Variants in RNLS observed in about 807,000 individuals in gnomAD.
RNLS encodes the protein renalase, FAD dependent amine oxidase.
RNLS carries 39 observed loss-of-function variants against 39.8 expected under a neutral mutation model. The observed-to-expected ratio is 0.98, with a 90% CI of 0.76 to 1.28. The LOEUF is 1.28. RNLS is among the 50% of genes most tolerant of loss of function. The pLI is 0.00. For synonymous variants in RNLS, 147 were observed against 150.7 expected, an observed-to-expected ratio of 0.98 and a Z score of 0.18; for missense variants, 410 against 413.3, an observed-to-expected ratio of 0.99 and a Z score of 0.07.
intron 4 of RNLS, among the ~76,000 whole-genome samples, chr10:88,424,758 C>T (rs749760042): frequency 4.6e-5 from 7 of 151,974 alleles, no homozygotes; most frequent in East Asian, 1.9e-4. Flanking sequence ...AAATTTTTAA[C>T]GCGTGAATGC....
At chr10:88,550,222 T>G (rs528341095) in intron 4 of RNLS, among the ~76,000 whole-genome samples, 6 of 152,296 alleles carry the variant, frequency 3.9e-5, no homozygotes, top group African/African-American at 1.2e-4. Flanking sequence ...ACATTAAAGA[T>G]ATTATAGTTT....
At chr10:88,479,785 CTTTT>C (rs1844045958) in intron 4 of RNLS, among the ~76,000 whole-genome samples, 1 of 124,438 alleles carries the variant, frequency 8.0e-6, no homozygotes, top group African/African-American at 2.7e-5. Flanking sequence ...ACTTTCTTTT[CTTTT>C]TTTCTTTTTT....
chr10:88,465,350 T>G (rs1289486357), intron 4 of RNLS, among the ~76,000 whole-genome samples: 1 of 152,148 alleles, frequency 6.6e-6, no homozygotes, highest in African/African-American at 2.4e-5. Context: ...TTCTTGAGTA[T>G]AGTGCTAAGG....
chr10:88,295,236 A>G (rs1589480872), intron 6 of RNLS, among the ~76,000 whole-genome samples: 1 of 152,244 alleles, frequency 6.6e-6, no homozygotes, highest in Non-Finnish European at 1.5e-5. Flanking sequence ...ATAATGATAA[A>G]TTGGGGTGCT....
chr10:88,325,712 A>G (rs1176639403), intron 5 of RNLS, among the ~76,000 whole-genome samples: 1 of 152,214 alleles, frequency 6.6e-6, no homozygotes, highest in African/African-American at 2.4e-5. Flanking sequence ...TTTTAAAAAT[A>G]AATTCTATCT....
At chr10:88,460,723 C>T (rs1367666420) in intron 4 of RNLS, among the ~76,000 whole-genome samples, 2 of 152,134 alleles carry the variant, frequency 1.3e-5, no homozygotes, top group Non-Finnish European at 2.9e-5. Flanking sequence ...TTTAGAACTA[C>T]TAAATAAATG....
chr10:88,474,765 A>G (rs1229944237), intron 4 of RNLS, among the ~76,000 whole-genome samples: 1 of 152,090 alleles, frequency 6.6e-6, no homozygotes, highest in Non-Finnish European at 1.5e-5. Flanking sequence ...CCTGACTCAG[A>G]GGATTATTTG....
chr10:88,463,794 C>T (rs771472221), intron 4 of RNLS, among the ~76,000 whole-genome samples: 3 of 151,818 alleles, frequency 2.0e-5, no homozygotes, highest in Admixed American at 6.6e-5. Context: ...TCTCTTCATC[C>T]TAGGTTCTTA....
At chr10:88,179,425 C>T in the RNLS span, among the ~76,000 whole-genome samples, 10 of 151,502 alleles carry the variant, frequency 6.6e-5, no homozygotes, top group African/African-American at 1.9e-4. Flanking sequence ...TTTAAAGAAT[C>T]TCTCTCTCTC....
At chr10:88,322,217 C>T (rs572492522) in intron 5 of RNLS, among the ~76,000 whole-genome samples, 1 of 152,230 alleles carries the variant, frequency 6.6e-6, no homozygotes, top group Non-Finnish European at 1.5e-5. Flanking sequence ...AAAATGCATT[C>T]AATAAAATCC....
At chr10:88,424,566 C>T (rs1466046161) in intron 4 of RNLS, among the ~76,000 whole-genome samples, 7 of 151,978 alleles carry the variant, frequency 4.6e-5, no homozygotes, top group Non-Finnish European at 1.0e-4. Context: ...TTGAGGCAGC[C>T]CACACCAATC....
intron 4 of RNLS, among the ~76,000 whole-genome samples, chr10:88,509,071 T>C (rs1845948440): frequency 6.6e-6 from 1 of 152,142 alleles, no homozygotes; most frequent in South Asian, 2.1e-4. Flanking sequence ...TCTTCCTTCA[T>C]TCCTGAATGG....
chr10:88,312,509 C>T (rs189875785), intron 6 of RNLS, among the ~76,000 whole-genome samples: 1 of 152,010 alleles, frequency 6.6e-6, no homozygotes, highest in African/African-American at 2.4e-5. Context: ...TTTGTTACAA[C>T]AACAATAGGA....
the RNLS span, among the ~76,000 whole-genome samples, chr10:88,216,060 A>T: frequency 6.6e-6 from 1 of 152,152 alleles, no homozygotes; most frequent in African/African-American, 2.4e-5. Flanking sequence ...AAGATCAAGG[A>T]TATTGATTAA....
chr10:88,317,068 A>G (rs1845816040), intron 5 of RNLS, among the ~76,000 whole-genome samples: 2 of 152,138 alleles, frequency 1.3e-5, no homozygotes, highest in African/African-American at 4.8e-5. Context: ...TAATGATGCT[A>G]TTTTTCTTTT....
intron 6 of RNLS, among the ~76,000 whole-genome samples, chr10:88,297,332 C>T (rs1184574371): frequency 1.3e-5 from 2 of 152,254 alleles, no homozygotes; most frequent in South Asian, 2.1e-4. Flanking sequence ...TGATCTGAGC[C>T]GTGACTGGTT....
chr10:88,501,062 C>T (rs1170259954), intron 4 of RNLS, among the ~76,000 whole-genome samples: 4 of 151,084 alleles, frequency 2.6e-5, no homozygotes, highest in Non-Finnish European at 5.9e-5. Flanking sequence ...AAACACCATA[C>T]CTAATTCATA....
chr10:88,232,575 A>C, the RNLS span, among the ~76,000 whole-genome samples: 2 of 152,164 alleles, frequency 1.3e-5, no homozygotes, highest in Non-Finnish European at 1.5e-5. Context: ...CACCGTGCCC[A>C]GCTTCTTACT....
the RNLS span, among the ~76,000 whole-genome samples, chr10:88,227,303 T>C: frequency 2.0e-5 from 3 of 152,212 alleles, no homozygotes; most frequent in African/African-American, 7.2e-5. Context: ...GCATTCACTT[T>C]GTAGAAACAT....
Sources: gnomAD v4.1 joint callset for allele counts (sites outside exome capture counted in the v4.1 genomes callset) on GRCh38, gnomAD v4.1.1 for gene constraint, MANE v1.5 for transcripts, NCBI Gene and HGNC (gene_info 2026-07-23, HGNC 2026-07-21) for gene names.